LIAT1: variants seen among roughly 807,000 people sequenced by gnomAD.
LIAT1 encodes ligand of ATE1.
the LIAT1 span, chr17:414,028 G>A: frequency 1.7e-5 from 28 of 1,614,208 alleles, no homozygotes; most frequent in Middle Eastern, 3.3e-4. The surrounding 1 kb of genome is among the most constrained non-coding windows in gnomAD (Gnocchi z 4.1). Context: ...AGCCCACGTC[G>A]AAAGCCGAGT....
At chr17:410,528 C>T in the LIAT1 span, 4 of 1,545,522 alleles carry the variant, frequency 2.6e-6, no homozygotes, top group African/African-American at 5.5e-5. Flanking sequence ...AGGGCGGCGC[C>T]GCGGGCCCGC....
chr17:410,356 G>T, the LIAT1 span: 1 of 1,498,500 alleles, frequency 6.7e-7, no homozygotes. Context: ...GAGACGCGTG[G>T]CCCTGGCCTG....
chr17:413,025 C>A, the LIAT1 span: 1 of 1,129,074 alleles, frequency 8.9e-7, no homozygotes, highest in Non-Finnish European at 1.3e-6. Flanking sequence ...GGCTTGGCAG[C>A]CTGAGCCCTG....
chr17:412,396 A>G, the LIAT1 span, among the ~76,000 whole-genome samples: 8 of 152,230 alleles, frequency 5.3e-5, no homozygotes, highest in African/African-American at 1.4e-4. Flanking sequence ...TTACAGTGAC[A>G]TGTGCCTCAT....
At chr17:413,390 A>G in the LIAT1 span, 1 of 1,614,270 alleles carries the variant, frequency 6.2e-7, no homozygotes, top group Non-Finnish European at 8.5e-7. Context: ...GGAGGCAGAG[A>G]AGGAAAGGAT....
the LIAT1 span, chr17:410,354 T>C: frequency 1.3e-6 from 2 of 1,485,584 alleles, no homozygotes; most frequent in Non-Finnish European, 1.8e-6. Context: ...TGGAGACGCG[T>C]GGCCCTGGCC....
At chr17:413,237 C>G in the LIAT1 span, 32 of 1,614,088 alleles carry the variant, frequency 2.0e-5, no homozygotes, top group Non-Finnish European at 2.7e-5. Context: ...TGGCCCGAAA[C>G]CAGAGCACAG....
the LIAT1 span, chr17:410,646 G>A: frequency 6.5e-7 from 1 of 1,539,222 alleles, no homozygotes; most frequent in South Asian, 1.2e-5. Context: ...CAAGGGGGAC[G>A]GTAAGAGGAG....
chr17:413,144 G>A, the LIAT1 span: 1 of 1,613,540 alleles, frequency 6.2e-7, no homozygotes, highest in Non-Finnish European at 8.5e-7. Flanking sequence ...CATCTACTCA[G>A]CAGATAAACA....
chr17:414,218 A>G, the LIAT1 span: 1 of 1,404,150 alleles, frequency 7.1e-7, no homozygotes, highest in Non-Finnish European at 9.7e-7. This position sits in a 1 kb window ranked among gnomAD's most constrained non-coding sequence, Gnocchi z 4.1. Context: ...ATCTGAAGGA[A>G]ACAGATGTTC....
At chr17:410,610 A>C in the LIAT1 span, 1 of 1,544,142 alleles carries the variant, frequency 6.5e-7, no homozygotes, top group East Asian at 2.4e-5. Context: ...GAAGAAAAAA[A>C]GGAAGAAGAA....
the LIAT1 span, chr17:413,557 C>A: frequency 2.6e-5 from 40 of 1,524,370 alleles, 2 homozygotes; most frequent in Non-Finnish European, 3.5e-5. Flanking sequence ...TCCACCCCGA[C>A]CCCGAGGCCC....
chr17:413,694 G>T, the LIAT1 span: 2 of 1,580,892 alleles, frequency 1.3e-6, no homozygotes, highest in South Asian at 1.1e-5. Context: ...GCCCTCAAGG[G>T]TTTCCACATT....
At chr17:414,358 GC>G in the LIAT1 span, 5 of 513,124 alleles carry the variant, frequency 9.7e-6, no homozygotes, top group Admixed American at 3.7e-5. The surrounding 1 kb of genome is among the most constrained non-coding windows in gnomAD (Gnocchi z 4.1). Context: ...TCTTAAGTAA[GC>G]ATCTCTGTTA....
chr17:410,462 C>T, the LIAT1 span: 4 of 1,540,222 alleles, frequency 2.6e-6, no homozygotes, highest in Middle Eastern at 1.8e-4. Flanking sequence ...TGGACCGCCG[C>T]GGTGGGGCGG....
chr17:410,840 C>T, the LIAT1 span, among the ~76,000 whole-genome samples: 27,411 of 151,988 alleles, frequency 0.18, 2,602 homozygotes, highest in South Asian at 0.29. Flanking sequence ...TCCACCAACT[C>T]TGCGGTCCCT....
chr17:410,812 C>A, the LIAT1 span, among the ~76,000 whole-genome samples: 1 of 152,102 alleles, frequency 6.6e-6, no homozygotes, highest in African/African-American at 2.4e-5. Flanking sequence ...GATGCCCCAG[C>A]CCCACCCGTG....
At chr17:413,147 G>A in the LIAT1 span, 5 of 1,613,650 alleles carry the variant, frequency 3.1e-6, no homozygotes, top group Non-Finnish European at 4.2e-6. Flanking sequence ...CTACTCAGCA[G>A]ATAAACATCA....
chr17:413,845 C>T, the LIAT1 span: 27 of 1,480,772 alleles, frequency 1.8e-5, no homozygotes, highest in East Asian at 1.3e-4. Context: ...CCCTCAAGGG[C>T]TTCCACCCCG....
Sources: gnomAD v4.1 joint callset for allele counts (sites outside exome capture counted in the v4.1 genomes callset) on GRCh38, gnomAD v4.1.1 for gene constraint, Gnocchi (gnomAD v3.1) non-coding constraint, MANE v1.5 for transcripts, NCBI Gene and HGNC (gene_info 2026-07-23, HGNC 2026-07-21) for gene names.